Variants in NELL1 observed in about 807,000 individuals in gnomAD.
The protein encoded by NELL1 is neural EGFL like 1.
In NELL1, 76 loss-of-function variants were observed where a neutral mutation model predicts 107.4. That is an observed-to-expected ratio of 0.71 (90% confidence interval 0.59 to 0.86). NELL1 has a LOEUF of 0.86. Ranked by LOEUF, NELL1 falls within the 40% of genes least tolerant of loss-of-function variation. NELL1 has a pLI of 0.00. For missense variants in NELL1, 1,024 were observed against 1,005.5 expected, an observed-to-expected ratio of 1.02 and a Z score of -0.25; for synonymous variants, 353 against 341.2, an observed-to-expected ratio of 1.03 and a Z score of -0.38.
chr11:21,410,004 G>A (rs4537753), intron 15 of NELL1, among the ~76,000 whole-genome samples: 104,789 of 151,958 alleles, frequency 0.69, 36,361 homozygotes, highest in African/African-American at 0.75. Context: ...TTTTATTTAT[G>A]TTAAAAATAA....
At chr11:21,446,426 G>T (rs1351894404) in intron 15 of NELL1, among the ~76,000 whole-genome samples, 2 of 152,122 alleles carry the variant, frequency 1.3e-5, no homozygotes, top group Non-Finnish European at 2.9e-5. Flanking sequence ...AGTCATAGAA[G>T]AGTTAGGTAC....
In NELL1 at chr11:20,915,717, A is replaced by ATATATATATATATATATTTTTTT; in HGVS notation, c.604-2464_604-2463insATATATATATATATATTTTTTTT. Reference sequence around the variant, plus strand: ...TCATAGATGATATATATATATATATATTTTTTTTTTTTTTTTTTGAGAGGA... The same window carrying ATATATATATATATATATTTTTTT: ...TCATAGATGATATATATATATATATATATATATATATATATATTTTTTTTTTTTTTTTTTTTTTTTTGAGAGGA... On this transcript the variant is annotated intron_variant, in intron 5 of 19. Coordinates refer to ENST00000357134, the MANE Select transcript of NELL1 (RefSeq NM_006157.5). 1.7e-3 allele frequency among the ~76,000 whole-genome samples: 98 copies of ATATATATATATATATATTTTTTT among 58,192 alleles called. 1 individual carries two copies. Among genetic ancestry groups the ATATATATATATATATATTTTTTT allele is most frequent in the Non-Finnish European group, 1.8e-3 (62 of 34,138 alleles). The allele number at this position is 58,192 out of a possible 152,430, so 38.2% of individuals were successfully genotyped here.
intron 3 of NELL1, among the ~76,000 whole-genome samples, chr11:20,792,887 G>C (rs1857101595): frequency 6.6e-6 from 1 of 151,880 alleles, no homozygotes; most frequent in South Asian, 2.1e-4. Context: ...TAATAAGTGA[G>C]ATGCCATAGA....
At position 21,270,524 on chromosome 11, in the gene NELL1, A is replaced by G. The variant is rs575643167; in HGVS notation, c.1549+41070A>G. On this transcript the variant is annotated intron_variant, in intron 14 of 19. Coordinates refer to ENST00000357134, the MANE Select transcript of NELL1 (RefSeq NM_006157.5). Reference sequence around the variant, plus strand: ...ATGTGCCTAACATGAGAACCTCAAAATACATGAGTAAAAACTGACCAAACT... The same window carrying G: ...ATGTGCCTAACATGAGAACCTCAAAGTACATGAGTAAAAACTGACCAAACT... 4.6e-5 allele frequency among the ~76,000 whole-genome samples: 7 copies of G among 152,280 alleles called. No homozygotes were observed. In the South Asian group the frequency reaches 1.4e-3, roughly 32 times the overall value.
intron 14 of NELL1, among the ~76,000 whole-genome samples, chr11:21,235,290 G>A (rs1054640917): frequency 6.6e-6 from 1 of 152,144 alleles, no homozygotes; most frequent in Non-Finnish European, 1.5e-5. Context: ...AGGATTGTAA[G>A]CATATTTCTA....
chr11:21,382,555 C>T (rs1277022760), intron 15 of NELL1, among the ~76,000 whole-genome samples: 2 of 151,762 alleles, frequency 1.3e-5, no homozygotes, highest in African/African-American at 2.4e-5. Flanking sequence ...TGAAAAGACA[C>T]CTAAGTTAAA....
chr11:21,036,810 T>C (rs1045162954), intron 12 of NELL1, among the ~76,000 whole-genome samples: 1 of 152,002 alleles, frequency 6.6e-6, no homozygotes, highest in Non-Finnish European at 1.5e-5. Flanking sequence ...TTTTCTGGTT[T>C]CCTTTGATAG....
chr11:21,140,540 C>T (rs1305016553), intron 13 of NELL1, among the ~76,000 whole-genome samples: 1 of 152,206 alleles, frequency 6.6e-6, no homozygotes, highest in African/African-American at 2.4e-5. Flanking sequence ...TCTTGACCAT[C>T]ACTAGCTTTG....
intron 14 of NELL1, among the ~76,000 whole-genome samples, chr11:21,256,649 C>A (rs764513266): frequency 6.6e-6 from 1 of 152,030 alleles, no homozygotes; most frequent in African/African-American, 2.4e-5. Context: ...AGGCTGTTGC[C>A]ATCACAGTAG....
At chr11:21,409,508 C>G (rs1355258215) in intron 15 of NELL1, among the ~76,000 whole-genome samples, 6 of 151,616 alleles carry the variant, frequency 4.0e-5, no homozygotes, top group Non-Finnish European at 8.8e-5. Context: ...GTGCAGCACA[C>G]CAGTATGGCA....
chr11:20,836,841 T>G (rs1937807996), intron 3 of NELL1, among the ~76,000 whole-genome samples: 1 of 152,054 alleles, frequency 6.6e-6, no homozygotes. Context: ...AGGAATTTTT[T>G]AGGCAGTGGA....
intron 2 of NELL1, among the ~76,000 whole-genome samples, chr11:20,693,217 T>G (rs1429589897): frequency 6.6e-6 from 1 of 152,082 alleles, no homozygotes; most frequent in Non-Finnish European, 1.5e-5. Context: ...TACAGCACAC[T>G]GATGGGTCTT....
At chr11:20,988,353 A>G (rs867043705) in intron 12 of NELL1, among the ~76,000 whole-genome samples, 4 of 151,720 alleles carry the variant, frequency 2.6e-5, no homozygotes, top group Admixed American at 6.6e-5. Context: ...ACAAATATAC[A>G]TATCTCTATA....
intron 14 of NELL1, among the ~76,000 whole-genome samples, chr11:21,302,459 T>A (rs1299198821): frequency 6.6e-6 from 1 of 152,068 alleles, no homozygotes; most frequent in East Asian, 1.9e-4. Context: ...CATTTGATGA[T>A]GTTATTACCT....
chr11:20,752,792 AC>A (rs901458497), intron 2 of NELL1, among the ~76,000 whole-genome samples: 1 of 152,248 alleles, frequency 6.6e-6, no homozygotes, highest in African/African-American at 2.4e-5. Context: ...TGGTGAGACC[AC>A]AACATTACTT....
chr11:21,339,737 T>C (rs978782824), intron 14 of NELL1, among the ~76,000 whole-genome samples: 3 of 152,162 alleles, frequency 2.0e-5, no homozygotes, highest in African/African-American at 7.2e-5. Context: ...CCAATAAGAA[T>C]GTACTAATTC....
intron 13 of NELL1, among the ~76,000 whole-genome samples, chr11:21,161,962 T>TATTTA (rs1856381530): frequency 7.0e-6 from 1 of 143,018 alleles, no homozygotes; most frequent in Non-Finnish European, 1.5e-5. Flanking sequence ...TTTTTTTTTT[T>TATTTA]TTTTTTGAGA....
chr11:20,741,969 G>A (rs1180490700), intron 2 of NELL1, among the ~76,000 whole-genome samples: 1 of 152,172 alleles, frequency 6.6e-6, no homozygotes, highest in African/African-American at 2.4e-5. Context: ...TAGGCATTCT[G>A]CATTTCTAAC....
intron 13 of NELL1, among the ~76,000 whole-genome samples, chr11:21,151,024 A>C (rs1624132): frequency 1.3e-5 from 2 of 152,064 alleles, no homozygotes; most frequent in African/African-American, 4.8e-5. Context: ...CTCACTCACT[A>C]TCATGAAATC....
Sources: gnomAD v4.1 joint callset for allele counts (sites outside exome capture counted in the v4.1 genomes callset) on GRCh38, gnomAD v4.1.1 for gene constraint, MANE v1.5 for transcripts, NCBI Gene and HGNC (gene_info 2026-07-23, HGNC 2026-07-21) for gene names.